The following PTPRN2 variants were observed in gnomAD, a reference collection of about 807,000 sequenced individuals.
PTPRN2 encodes receptor-type tyrosine-protein phosphatase N2.
In PTPRN2, 74 loss-of-function variants were observed where a neutral mutation model predicts 118.8. That is an observed-to-expected ratio of 0.62 (90% CI 0.52 to 0.76). The LOEUF (loss-of-function observed/expected upper bound fraction) is 0.76, where lower values mean the gene tolerates loss of function less well. Among genes scored for constraint, PTPRN2 ranks in the 30% least tolerant of loss-of-function variants. The probability of loss-of-function intolerance (pLI) is 0.00; values close to 1 mark genes in which losing one functional copy is unlikely to be tolerated. For missense variants in PTPRN2, 1,481 were observed against 1,394.4 expected, an observed-to-expected ratio of 1.06 and a Z score of -0.99; for synonymous variants, 641 against 608.0, an observed-to-expected ratio of 1.05 and a Z score of -0.80.
rs1453020497 is a variant in PTPRN2 at position 157,927,367 on chromosome 7, G to A, written c.1724-28630C>T. On this transcript the variant is annotated intron_variant, in intron 11 of 22. Transcript: ENST00000389418. ...ACCCGTCTGAGAGCAGAGACCTCACGTGTGCTGGGACCCTGAAGACAGGAA... is the reference window on the plus strand; with the variant it reads ...ACCCGTCTGAGAGCAGAGACCTCACATGTGCTGGGACCCTGAAGACAGGAA... Among the ~76,000 whole-genome samples, 9 of 85,068 alleles carry A rather than the reference G, an allele frequency of 1.1e-4. 1 individual carries two copies. Among genetic ancestry groups the A allele is most frequent in the African/African-American group, 1.7e-4 (3 of 17,274 alleles). The allele number at this position is 85,068 out of a possible 152,430, so 55.8% of individuals were successfully genotyped here. A position where few individuals can be genotyped will look rare whatever the true frequency, so the allele number is the denominator to read the frequency against.
intron 9 of PTPRN2, among the ~76,000 whole-genome samples, chr7:158,131,104 C>T (rs1409818903): frequency 6.7e-6 from 1 of 150,206 alleles, no homozygotes; most frequent in Non-Finnish European, 1.5e-5. Context: ...CACAGATACA[C>T]ATCTACCAAA....
chr7:158,044,366 A>G (rs1032396627), intron 11 of PTPRN2, among the ~76,000 whole-genome samples: 1 of 151,914 alleles, frequency 6.6e-6, no homozygotes, highest in Non-Finnish European at 1.5e-5. Context: ...TCTGTACAGG[A>G]CTCTGGGGCC....
chr7:158,140,474 G>T (rs144641829), intron 6 of PTPRN2, among the ~76,000 whole-genome samples: 36 of 152,344 alleles, frequency 2.4e-4, no homozygotes, highest in African/African-American at 8.7e-4. Flanking sequence ...CCCGGCAGCA[G>T]GAGAGCGGAT....
intron 2 of PTPRN2, among the ~76,000 whole-genome samples, chr7:158,350,939 G>A (rs73510391): frequency 0.031 from 4,785 of 152,262 alleles, 288 homozygotes; most frequent in African/African-American, 0.11. Flanking sequence ...CTCCCCCAGC[G>A]TTTCCAAATC....
At chr7:157,682,594 C>A (rs917155893) in intron 13 of PTPRN2, 131 bp downstream of exon 13, 1 of 939,048 alleles carries the variant, frequency 1.1e-6, no homozygotes, top group African/African-American at 1.6e-5. Context: ...CCAAACTGTC[C>A]TCATAAAAGA....
chr7:157,826,197 C>G (rs1397629704), intron 12 of PTPRN2, among the ~76,000 whole-genome samples: 5 of 147,026 alleles, frequency 3.4e-5, no homozygotes, highest in African/African-American at 1.3e-4. Flanking sequence ...TGTGCAAAGA[C>G]AGCAGCACGA....
intron 3 of PTPRN2, among the ~76,000 whole-genome samples, chr7:158,270,710 CTGCCCCTCTCCCTGGGG>C (rs1444585898): frequency 2.6e-5 from 4 of 151,934 alleles, no homozygotes; most frequent in African/African-American, 7.3e-5. Flanking sequence ...CTCTACTGGG[CTGCCCCTCTCCCTGGGG>C]TGCCTTCTCT....
chr7:157,818,900 C>T (rs1806610256), intron 12 of PTPRN2, among the ~76,000 whole-genome samples: 1 of 152,094 alleles, frequency 6.6e-6, no homozygotes, highest in African/African-American at 2.4e-5. Flanking sequence ...CCAACACACC[C>T]CTCCTCTGAA....
chr7:158,504,303 G>A (rs1822583116), intron 1 of PTPRN2, among the ~76,000 whole-genome samples: 1 of 152,032 alleles, frequency 6.6e-6, no homozygotes, highest in Non-Finnish European at 1.5e-5. Context: ...CCCTCACCTG[G>A]GTATTTAGGC....
At chr7:158,070,236 C>G (rs952550910) in intron 11 of PTPRN2, among the ~76,000 whole-genome samples, 1 of 152,118 alleles carries the variant, frequency 6.6e-6, no homozygotes. Context: ...AGGTAAGCAG[C>G]CAACTGCTGT....
chr7:158,146,102 C>G (rs924913253), intron 6 of PTPRN2, among the ~76,000 whole-genome samples: 4 of 152,206 alleles, frequency 2.6e-5, no homozygotes, highest in African/African-American at 7.2e-5. Flanking sequence ...ATACTTGGTT[C>G]TCCATGAGAA....
chr7:157,670,195 G>A lies in PTPRN2; in HGVS notation c.2001+12530C>T, dbSNP rs1305876492. The stretch of plus-strand genomic sequence containing the variant: ...GTTTGAATCTCCTGAAGCCCCTGGT[G>A]GGTGGCTGGGAAACGCAGGTGCTCC... On this transcript the variant is annotated intron_variant, in intron 13 of 22. Coordinates refer to ENST00000389418, the MANE Select transcript of PTPRN2 (RefSeq NM_002847.5). 9.2e-5 allele frequency among the ~76,000 whole-genome samples: 14 copies of A among 152,176 alleles called. No homozygotes were observed. The East Asian group carries it at 2.7e-3, about 29-fold the overall frequency.
intron 1 of PTPRN2, 112 bp downstream of exon 1, chr7:158,587,418 AACCCCTCACAGAGGCGCCTCTCCCCCCG>A (rs1482242562): frequency 1.5e-3 from 10 of 6,780 alleles, no homozygotes; most frequent in Non-Finnish European, 2.3e-3. Flanking sequence ...CTCCCCCCCG[AACCCCTCACAGAGGCGCCTCTCCCCCCG>A]ACCCCTCAGG....
In PTPRN2 at chr7:157,587,301, CGGGT is replaced by C. The variant is rs980259151; in HGVS notation, c.2496+7933_2496+7936del. ...AGACAGGCAGACGAGCCACTGGTGC[CGGGT>C]GGTGGGCGGCCCTGCACGGTGACAG... On this transcript the variant is annotated intron_variant, in intron 17 of 22. Transcript: ENST00000389418. This position sits in a 1 kb window ranked among gnomAD's most constrained non-coding sequence, Gnocchi z 5.3. 1.3e-5 allele frequency among the ~76,000 whole-genome samples: 2 copies of C among 152,050 alleles called. No individual in the cohort carries two copies. The highest frequency in any genetic ancestry group is 2.9e-5 in the Non-Finnish European group (2 of 68,016).
rs1201690160 is a variant in PTPRN2, at chr7:158,555,723, C to A, written c.112+31835G>T. On this transcript the variant is annotated intron_variant, in intron 1 of 22. Coordinates refer to ENST00000389418, the MANE Select transcript of PTPRN2 (RefSeq NM_002847.5). This position sits in a 1 kb window ranked among gnomAD's most constrained non-coding sequence, Gnocchi z 4.7. The stretch of plus-strand genomic sequence containing the variant: ...TGAAGGGTAAAGGGAGCTCTTCCGC[C>A]AACAGGTGGCCGGTGTTGCTTCCCA... 6.6e-6 allele frequency among the ~76,000 whole-genome samples: 1 copy of A among 152,134 alleles called. No homozygotes were observed. Among genetic ancestry groups the A allele is most frequent in the Non-Finnish European group, 1.5e-5 (1 of 68,028 alleles).
intron 12 of PTPRN2, among the ~76,000 whole-genome samples, chr7:157,732,870 T>C (rs367616081): frequency 0.069 from 374 of 5,406 alleles, 82 homozygotes; most frequent in Middle Eastern, 0.12. Context: ...TTCCGTCCCA[T>C]GCGCCCAGCA....
chr7:157,945,277 C>G (rs1013741650), intron 11 of PTPRN2, among the ~76,000 whole-genome samples: 2 of 152,172 alleles, frequency 1.3e-5, no homozygotes, highest in African/African-American at 4.8e-5. Context: ...ACATCCCCAC[C>G]TGCACTGGGT....
intron 3 of PTPRN2, among the ~76,000 whole-genome samples, chr7:158,297,969 C>T (rs1800615375): frequency 6.6e-6 from 1 of 152,186 alleles, no homozygotes; most frequent in Admixed American, 6.5e-5. Flanking sequence ...TCACTTTTAT[C>T]AACTTACAGG....
intron 2 of PTPRN2, among the ~76,000 whole-genome samples, chr7:158,480,320 G>A (rs544909159): frequency 7.2e-5 from 11 of 152,292 alleles, no homozygotes; most frequent in African/African-American, 1.4e-4. Context: ...ACCATGAACC[G>A]TGCCCATAGA....
Sources: gnomAD v4.1 joint callset for allele counts (sites outside exome capture counted in the v4.1 genomes callset) on GRCh38, gnomAD v4.1.1 for gene constraint, Gnocchi (gnomAD v3.1) non-coding constraint, MANE v1.5 for transcripts, NCBI Gene and HGNC (gene_info 2026-07-23, HGNC 2026-07-21) for gene names.